The following CNTNAP5 variants were observed in gnomAD, a reference collection of about 807,000 sequenced individuals.
CNTNAP5 encodes contactin associated protein family member 5.
A neutral mutation model predicts 150.2 loss-of-function variants in CNTNAP5; 72 were observed. The ratio of observed to expected loss-of-function variants is 0.48; its 90% CI spans 0.40 to 0.58. CNTNAP5 has a LOEUF of 0.58. Among genes scored for constraint, CNTNAP5 ranks in the 20% least tolerant of loss-of-function variants. The pLI is 0.00. For missense variants in CNTNAP5, 1,636 were observed against 1,626.2 expected (o/e 1.01, Z -0.10); for synonymous variants, 672 against 619.8 (o/e 1.08, Z -1.25).
At chr2:124,555,933 T>G (rs551247236) in intron 10 of CNTNAP5, among the ~76,000 whole-genome samples, 1 of 152,360 alleles carries the variant, frequency 6.6e-6, no homozygotes, top group Non-Finnish European at 1.5e-5. Context: ...TTTTCTTTAG[T>G]GTAATTTTAT....
At chr2:124,153,606 T>A (rs1684454932) in intron 1 of CNTNAP5, among the ~76,000 whole-genome samples, 1 of 141,918 alleles carries the variant, frequency 7.0e-6, no homozygotes, top group African/African-American at 2.6e-5. Context: ...CCCGGGACTT[T>A]TTTTTTTTTT....
At chr2:124,119,718 G>A (rs2104714740) in intron 1 of CNTNAP5, among the ~76,000 whole-genome samples, 1 of 152,052 alleles carries the variant, frequency 6.6e-6, no homozygotes, top group African/African-American at 2.4e-5. Context: ...GACCAGCCTG[G>A]GCAACACAGC....
rs1222532946 is a variant in CNTNAP5 at position 124,034,668 on chromosome 2, T to C, written c.82+8936T>C. On this transcript the variant is annotated intron_variant, in intron 1 of 23. Transcript: ENST00000682447. ...CTAGAGAAGTGAGGAGCACAGCCCC[T>C]CCAAAAAACTGAAGAGGGCAATGGA... Among the ~76,000 whole-genome samples, 4 of 152,200 alleles carry C rather than the reference T, an allele frequency of 2.6e-5. No homozygotes were observed. The East Asian group carries it at 7.8e-4, about 30-fold the overall frequency.
chr2:124,435,382 G>T (rs1692504242), intron 5 of CNTNAP5, among the ~76,000 whole-genome samples: 1 of 152,054 alleles, frequency 6.6e-6, no homozygotes, highest in African/African-American at 2.4e-5. Context: ...GAGAGGCCCA[G>T]CCTCCTGTAC....
intron 13 of CNTNAP5, among the ~76,000 whole-genome samples, chr2:124,689,997 C>T (rs1347411037): frequency 1.3e-5 from 2 of 151,450 alleles, no homozygotes; most frequent in Non-Finnish European, 3.0e-5. Context: ...TTCTGTTTTA[C>T]AACTCTTTCA....
chr2:124,718,796 T>C (rs1679994368), intron 13 of CNTNAP5, among the ~76,000 whole-genome samples: 1 of 151,772 alleles, frequency 6.6e-6, no homozygotes, highest in Non-Finnish European at 1.5e-5. Flanking sequence ...ACACAAAAAA[T>C]TAGTCAGATG....
chr2:124,758,709 A>G (rs900479241), intron 14 of CNTNAP5, among the ~76,000 whole-genome samples: 1 of 152,072 alleles, frequency 6.6e-6, no homozygotes, highest in Non-Finnish European at 1.5e-5. Flanking sequence ...AACTAGATTG[A>G]GAGATAGGGT....
chr2:124,357,080 T>A (rs1024700321), intron 3 of CNTNAP5, among the ~76,000 whole-genome samples: 58 of 152,338 alleles, frequency 3.8e-4, no homozygotes, highest in South Asian at 4.1e-4. Flanking sequence ...TTTTTTCATG[T>A]GCTTTTGGCT....
At chr2:124,547,084 G>A (rs563361545) in intron 10 of CNTNAP5, among the ~76,000 whole-genome samples, 11 of 149,012 alleles carry the variant, frequency 7.4e-5, no homozygotes, top group Non-Finnish European at 1.0e-4. Flanking sequence ...CCCCACCCCC[G>A]ACCAAAACCC....
intron 5 of CNTNAP5, among the ~76,000 whole-genome samples, chr2:124,436,417 G>A (rs1383713734): frequency 1.3e-5 from 2 of 152,054 alleles, no homozygotes; most frequent in African/African-American, 4.8e-5. Flanking sequence ...TATTTATTAT[G>A]TGATTTATTA....
At chr2:124,178,053 G>A (rs13424716) in intron 1 of CNTNAP5, among the ~76,000 whole-genome samples, 8,929 of 151,904 alleles carry the variant, frequency 0.059, 392 homozygotes, top group African/African-American at 0.12. Context: ...TACTATGTTG[G>A]CCAGGCTGGT....
chr2:124,764,330 A>G (rs930985025), intron 16 of CNTNAP5, among the ~76,000 whole-genome samples, 183 bp downstream of exon 16: 13 of 152,058 alleles, frequency 8.5e-5, no homozygotes, highest in Non-Finnish European at 1.6e-4. Flanking sequence ...ACCTGTCAGT[A>G]TTTAATCAGT....
At chr2:124,704,930 T>C (rs902859102) in intron 13 of CNTNAP5, among the ~76,000 whole-genome samples, 1 of 152,242 alleles carries the variant, frequency 6.6e-6, no homozygotes, top group South Asian at 2.1e-4. Flanking sequence ...AATACCACTT[T>C]TTCTAGGAGG....
chr2:124,628,785 C>A (rs1395063583), intron 12 of CNTNAP5, among the ~76,000 whole-genome samples: 1 of 152,092 alleles, frequency 6.6e-6, no homozygotes, highest in African/African-American at 2.4e-5. Context: ...GGTACTAAGA[C>A]CAGACCCATC....
At chr2:124,187,466 T>C (rs927562038) in intron 1 of CNTNAP5, among the ~76,000 whole-genome samples, 1 of 152,162 alleles carries the variant, frequency 6.6e-6, no homozygotes, top group East Asian at 1.9e-4. Flanking sequence ...TAAAAATCCC[T>C]GGGAATTCAT....
intron 19 of CNTNAP5, among the ~76,000 whole-genome samples, chr2:124,802,168 G>A (rs1681983938): frequency 6.6e-6 from 1 of 152,200 alleles, no homozygotes; most frequent in South Asian, 2.1e-4. Context: ...TAAGAAGTCA[G>A]CAGGTGGAGT....
chr2:124,867,578 G>A (rs113447339), intron 20 of CNTNAP5, among the ~76,000 whole-genome samples: 22 of 152,086 alleles, frequency 1.4e-4, no homozygotes, highest in East Asian at 3.9e-4. Flanking sequence ...TACAACTCTC[G>A]CCTGTTGATC....
chr2:124,558,110 G>T (rs1464663645), intron 10 of CNTNAP5, among the ~76,000 whole-genome samples: 3 of 152,216 alleles, frequency 2.0e-5, no homozygotes, highest in Non-Finnish European at 4.4e-5. Flanking sequence ...TTGCTCTTGT[G>T]TTGGGAATTA....
At chr2:124,582,114 T>C (rs1379116178) in intron 11 of CNTNAP5, among the ~76,000 whole-genome samples, 2 of 152,142 alleles carry the variant, frequency 1.3e-5, no homozygotes, top group Non-Finnish European at 2.9e-5. Flanking sequence ...GCTGTGTAAA[T>C]CTGGTGAACT....
Sources: gnomAD v4.1 joint callset for allele counts (sites outside exome capture counted in the v4.1 genomes callset) on GRCh38, gnomAD v4.1.1 for gene constraint, MANE v1.5 for transcripts, NCBI Gene and HGNC (gene_info 2026-07-23, HGNC 2026-07-21) for gene names.